IFT46: variants seen among roughly 807,000 people sequenced by gnomAD.
IFT46 encodes the protein intraflagellar transport protein 46 homolog.
Under a neutral mutation model 39.6 loss-of-function variants are expected in IFT46, and 19 were observed. The observed-to-expected ratio is 0.48, with a 90% confidence interval of 0.33 to 0.70. The LOEUF is 0.70. IFT46 is among the 30% of genes least tolerant of loss of function. The probability of loss-of-function intolerance (pLI) is 0.01; values close to 1 mark genes in which losing one functional copy is unlikely to be tolerated. For missense variants in IFT46, 334 were observed against 364.8 expected (o/e 0.92, Z 0.69); for synonymous variants, 117 against 134.8 (o/e 0.87, Z 0.91).
chr11:118,572,341 A>AGGGGGGGGGG, intron 1 of IFT46: 1 of 246,926 alleles, frequency 4.0e-6, no homozygotes, highest in Non-Finnish European at 8.1e-6. Context: ...CCCAGCCCAC[A>AGGGGGGGGGG]GGCCCCGCCC....
chr11:118,562,373 G>A (rs782151055), intron 2 of IFT46, among the ~76,000 whole-genome samples: 1 of 152,088 alleles, frequency 6.6e-6, no homozygotes, highest in Non-Finnish European at 1.5e-5. Context: ...CCAGGAGGTC[G>A]AGGCTGCAGT....
At chr11:118,554,407 C>T (rs200243766) in intron 7 of IFT46, 52 bp downstream of exon 7, 1 of 1,525,204 alleles carries the variant, frequency 6.6e-7, no homozygotes, top group Non-Finnish European at 8.8e-7. Flanking sequence ...AGCAAGGCCT[C>T]CTCCACTCTT....
chr11:118,562,872 G>A (rs181021917), intron 2 of IFT46, among the ~76,000 whole-genome samples: 1,605 of 152,098 alleles, frequency 0.011, 30 homozygotes, highest in African/African-American at 0.037. Context: ...GAGGCCATCC[G>A]GGCCAACATG....
upstream of IFT46, among the ~76,000 whole-genome samples, chr11:118,567,736 T>G (rs1938260520): frequency 6.6e-6 from 1 of 152,196 alleles, no homozygotes; most frequent in African/African-American, 2.4e-5. Context: ...AAAAAAAAAT[T>G]TGTGATCTGT....
At chr11:118,561,025 T>A in intron 2 of IFT46, 2 of 1,507,044 alleles carry the variant, frequency 1.3e-6, no homozygotes, top group Non-Finnish European at 1.8e-6. Context: ...CCAATAGGTT[T>A]GGCATGGACA....
chr11:118,568,728 GAGAC>G (rs199959023), upstream of IFT46, among the ~76,000 whole-genome samples: 6,196 of 150,910 alleles, frequency 0.041, 177 homozygotes, highest in South Asian at 0.068. Context: ...ATACAGTGAC[GAGAC>G]CTCAGCTCAC....
chr11:118,545,693 G>A (rs2135463250), intron 10 of IFT46, 100 bp downstream of exon 10: 1 of 1,354,006 alleles, frequency 7.4e-7, no homozygotes, highest in Non-Finnish European at 1.1e-6. Context: ...AGTGAAGGCT[G>A]AAACTCAAGA....
In IFT46 at chr11:118,544,931, T is replaced by C. The variant is rs1450662359; in HGVS notation, c.900A>G (p.Thr300=). Residue 300 remains threonine (T), a synonymous_variant, in exon 12 of 12, where the codon ACA becomes ACG. Transcript: ENST00000264021. ...GGGAAGTGTCTCAGCTGAAGGTTAA[T>C]GTCTCCATGTCTCCAGCTTGGGAGG... The part of the protein sequence containing the change: ...NSTSQAGDME[T]LTFS 1.9e-6 allele frequency: 3 copies of C among 1,612,594 alleles called. No homozygotes were observed. The East Asian group carries it at 6.7e-5, about 36-fold the overall frequency.
Position 118,545,476 on chromosome 11 carries a change from A to T in IFT46, c.752T>A (p.Val251Asp), listed in dbSNP as rs1951656701. The T allele has an allele frequency of 6.2e-7, 1 of 1,613,432 alleles. No homozygotes were observed. The highest frequency in any genetic ancestry group is 8.5e-7 in the Non-Finnish European group (1 of 1,179,504). ...DMICAILDIP[V>D]YKSRIQSLHL... The stretch of plus-strand genomic sequence containing the variant: ...GAGGGACTGGATCCGACTCTTGTAG[A>T]CAGGGATGTCTAGAATGGCTGAAAC... The change falls in exon 11 of 12, where the codon GTC (valine) becomes GAC (aspartate). Residue 251 changes from valine (V) to aspartate (D), a missense_variant. Val to Asp is a radical substitution (Grantham distance 152). Coordinates refer to ENST00000264021, the MANE Select transcript of IFT46 (RefSeq NM_001168618.2).
At chr11:118,568,777 C>T (rs1300229337), upstream of IFT46, among the ~76,000 whole-genome samples, 1 of 151,490 alleles carries the variant, frequency 6.6e-6, no homozygotes, top group Non-Finnish European at 1.5e-5. Flanking sequence ...GCGATTCTCC[C>T]ACCGAGTAGC....
chr11:118,561,635 GAA>G, intron 2 of IFT46: 8 of 351,454 alleles, frequency 2.3e-5, no homozygotes, highest in South Asian at 1.2e-4. Flanking sequence ...CATATGGACA[GAA>G]AAAAAAAAGA....
upstream of IFT46, chr11:118,573,549 C>T (rs1196479901): frequency 1.8e-6 from 1 of 551,328 alleles, no homozygotes; most frequent in African/African-American, 2.0e-5. Flanking sequence ...ATTTATTTTT[C>T]AGTGCACCTT....
chr11:118,554,800 T>C (rs573337019), intron 6 of IFT46, among the ~76,000 whole-genome samples, 190 bp downstream of exon 6: 9 of 152,308 alleles, frequency 5.9e-5, no homozygotes, highest in African/African-American at 1.4e-4. Flanking sequence ...AAACTGTTAA[T>C]GTGTAATGAG....
chr11:118,571,048 A>G (rs1402037289), intron 1 of IFT46, among the ~76,000 whole-genome samples: 1 of 152,088 alleles, frequency 6.6e-6, no homozygotes, highest in African/African-American at 2.4e-5. Flanking sequence ...GCTTAATTCC[A>G]GAATGTTTTA....
chr11:118,557,297 A>G, intron 3 of IFT46: 2 of 426,698 alleles, frequency 4.7e-6, no homozygotes, highest in Non-Finnish European at 8.2e-6. Context: ...AATTTTATCT[A>G]TTGTACATAT....
At chr11:118,546,538 T>G in intron 9 of IFT46, 1 of 209,912 alleles carries the variant, frequency 4.8e-6, no homozygotes, top group Non-Finnish European at 9.7e-6. Context: ...AACAAATTGA[T>G]CTTGGACTAC....
chr11:118,549,770 G>A (rs950336050), intron 9 of IFT46, among the ~76,000 whole-genome samples: 6 of 150,882 alleles, frequency 4.0e-5, no homozygotes, highest in East Asian at 2.0e-4. Flanking sequence ...TGATCAGCCC[G>A]CCTCGGCCTC....
At chr11:118,566,905 A>G (rs1555071611), upstream of IFT46, among the ~76,000 whole-genome samples, 2 of 152,016 alleles carry the variant, frequency 1.3e-5, no homozygotes, top group Non-Finnish European at 2.9e-5. Flanking sequence ...AACTGTGGAC[A>G]TAATTAATTT....
upstream of IFT46, among the ~76,000 whole-genome samples, chr11:118,576,132 A>G (rs1938493517): frequency 6.6e-6 from 1 of 152,030 alleles, no homozygotes; most frequent in Admixed American, 6.6e-5. Flanking sequence ...ATTAGTGGCA[A>G]AGGCAGAACA....
Sources: gnomAD v4.1 joint callset for allele counts (sites outside exome capture counted in the v4.1 genomes callset) on GRCh38, gnomAD v4.1.1 for gene constraint, MANE v1.5 for transcripts, NCBI Gene and HGNC (gene_info 2026-07-23, HGNC 2026-07-21) for gene names.